Variants in TAMM41 observed in about 807,000 individuals in gnomAD.
The protein encoded by TAMM41 is TAM41 mitochondrial translocator assembly and maintenance homolog.
In TAMM41, 36 loss-of-function variants were observed where a neutral mutation model predicts 44.1. That is an observed-to-expected ratio of 0.82 (90% CI 0.63 to 1.08). The LOEUF (loss-of-function observed/expected upper bound fraction) is 1.08, where lower values mean the gene tolerates loss of function less well. Ranked by LOEUF, TAMM41 falls within the 50% of genes least tolerant of loss-of-function variation. The pLI is 0.00. For synonymous variants in TAMM41, 164 were observed against 153.1 expected (o/e 1.07, Z -0.53); for missense variants, 417 against 404.3 (o/e 1.03, Z -0.27).
chr3:11,821,728 A>C (rs2078529787), intron 4 of TAMM41, among the ~76,000 whole-genome samples: 1 of 152,188 alleles, frequency 6.6e-6, no homozygotes, highest in African/African-American at 2.4e-5. Flanking sequence ...TTACCGGCTA[A>C]CTTTTCTCCC....
the TAMM41 span, among the ~76,000 whole-genome samples, chr3:11,726,222 C>G: frequency 6.6e-6 from 1 of 152,224 alleles, no homozygotes; most frequent in Admixed American, 6.5e-5. Context: ...GTTTTCTTCT[C>G]TTCACTCCGA....
chr3:11,798,708 T>C (rs368823554), intron 7 of TAMM41, among the ~76,000 whole-genome samples: 1 of 152,022 alleles, frequency 6.6e-6, no homozygotes, highest in East Asian at 1.9e-4. Context: ...TGAAACTTAC[T>C]GTGAGGATGA....
chr3:11,741,588 T>C, the TAMM41 span, among the ~76,000 whole-genome samples: 1 of 150,288 alleles, frequency 6.7e-6, no homozygotes, highest in East Asian at 1.9e-4. Flanking sequence ...ACAGTGGCCA[T>C]AACTTTTGCG....
the TAMM41 span, among the ~76,000 whole-genome samples, chr3:11,760,240 G>A: frequency 6.6e-6 from 1 of 152,236 alleles, no homozygotes; most frequent in Admixed American, 6.5e-5. Context: ...TGCTGACATT[G>A]ACCCAGTGGC....
At chr3:11,806,481 GA>G (rs1244482699) in intron 7 of TAMM41, among the ~76,000 whole-genome samples, 1 of 152,118 alleles carries the variant, frequency 6.6e-6, no homozygotes, top group Non-Finnish European at 1.5e-5. Context: ...AGAGTTCCTG[GA>G]AATTATAAAC....
intron 4 of TAMM41, 111 bp downstream of exon 4, chr3:11,829,603 G>C: frequency 6.2e-6 from 8 of 1,285,676 alleles, no homozygotes; most frequent in Non-Finnish European, 7.6e-6. Flanking sequence ...AGAGTGACGT[G>C]ATTTACAACT....
chr3:11,828,760 T>G (rs1351062856), intron 4 of TAMM41, among the ~76,000 whole-genome samples: 1 of 152,140 alleles, frequency 6.6e-6, no homozygotes, highest in Non-Finnish European at 1.5e-5. Flanking sequence ...GGTAGATGAA[T>G]TTTGGGAAGA....
chr3:11,770,893 C>T, the TAMM41 span, among the ~76,000 whole-genome samples: 1 of 152,296 alleles, frequency 6.6e-6, no homozygotes, highest in Admixed American at 6.5e-5. Flanking sequence ...AGGTGTCTCT[C>T]CCCAGAGGGC....
intron 7 of TAMM41, among the ~76,000 whole-genome samples, chr3:11,804,860 TTATTA>T (rs1435193627): frequency 4.7e-5 from 7 of 148,712 alleles, no homozygotes; most frequent in African/African-American, 1.8e-4. Flanking sequence ...AATGTTTTTA[TTATTA>T]TAATTTTTTT....
chr3:11,791,568 A>G (rs1357208275), intron 7 of TAMM41, among the ~76,000 whole-genome samples: 1 of 152,092 alleles, frequency 6.6e-6, no homozygotes, highest in African/African-American at 2.4e-5. Flanking sequence ...GATCTGTGCT[A>G]TGAGTGTAAA....
chr3:11,779,932 C>T, the TAMM41 span, among the ~76,000 whole-genome samples: 1 of 152,132 alleles, frequency 6.6e-6, no homozygotes, highest in Admixed American at 6.6e-5. Context: ...CTTGGCAAGC[C>T]CTTCTCCATA....
chr3:11,757,458 C>T, the TAMM41 span, among the ~76,000 whole-genome samples: 10 of 152,160 alleles, frequency 6.6e-5, no homozygotes, highest in Admixed American at 3.3e-4. Flanking sequence ...CAGAGACTGA[C>T]ATTTGTCACC....
the TAMM41 span, among the ~76,000 whole-genome samples, chr3:11,753,654 G>A: frequency 6.6e-5 from 10 of 152,096 alleles, no homozygotes; most frequent in East Asian, 3.9e-4. Context: ...GGAGAATGGC[G>A]TGGAGACAGG....
At position 11,829,785 on chromosome 3, in the gene TAMM41, G is replaced by C. The variant is rs779337559; in HGVS notation, c.491C>G (p.Ala164Gly). The C allele has an allele frequency of 1.2e-6, 2 of 1,614,168 alleles. No homozygotes were observed. Among genetic ancestry groups the C allele is most frequent in the Non-Finnish European group, 1.7e-6 (2 of 1,179,990 alleles). The stretch of plus-strand genomic sequence containing the variant: ...AAAGCTTTCGGGGAGCATGAGGAAA[G>C]CAGCGGTCACAGCACTCTTCAGATT... ...DRNLKSAVTA[A>G]FLMLPESFSE... The change falls in exon 4 of 8, where the codon GCT becomes GGT. Residue 164 changes from alanine to glycine, a missense_variant. Coordinates refer to ENST00000455809, the MANE Select transcript of TAMM41 (RefSeq NM_001284401.2).
downstream of TAMM41, among the ~76,000 whole-genome samples, chr3:11,789,835 C>T (rs887214987): frequency 6.6e-6 from 1 of 152,238 alleles, no homozygotes; most frequent in African/African-American, 2.4e-5. Context: ...CCAGCCTCAG[C>T]ACGATGCTAA....
At chr3:11,776,718 G>T in the TAMM41 span, among the ~76,000 whole-genome samples, 1 of 151,832 alleles carries the variant, frequency 6.6e-6, no homozygotes, top group Non-Finnish European at 1.5e-5. Context: ...CGTGACTGCA[G>T]AGACAGACCA....
intron 4 of TAMM41, 37 bp downstream of exon 4, chr3:11,829,677 C>G: frequency 6.2e-7 from 1 of 1,609,762 alleles, no homozygotes; most frequent in Non-Finnish European, 8.5e-7. Flanking sequence ...ATATAAATCT[C>G]TCCCTTGTAG....
At position 11,829,795 on chromosome 3, in the gene TAMM41, C is replaced by T. The variant is rs747616790; in HGVS notation, c.481G>A (p.Val161Met). ...GGGAGCATGAGGAAAGCAGCGGTCA[C>T]AGCACTCTTCAGATTTCTATCGAGG... ...SALDRNLKSA[V>M]TAAFLMLPES... Residue 161 changes from valine to methionine, a missense_variant, in exon 4 of 8, where the codon GTG becomes ATG. Coordinates refer to ENST00000455809, the MANE Select transcript of TAMM41 (RefSeq NM_001284401.2). 1.2e-6 allele frequency: 2 copies of T among 1,614,034 alleles called. No individual in the cohort carries two copies. The highest frequency in any genetic ancestry group is 4.5e-5 in the East Asian group (2 of 44,898).
At chr3:11,792,651 A>C (rs986225373) in intron 7 of TAMM41, among the ~76,000 whole-genome samples, 27 of 152,356 alleles carry the variant, frequency 1.8e-4, no homozygotes, top group Admixed American at 1.6e-3. Context: ...CTTAAATTTC[A>C]TGATTTTGGA....
Sources: allele counts gnomAD v4.1 joint callset (sites outside exome capture counted in the v4.1 genomes callset), GRCh38; gene constraint gnomAD v4.1.1; transcripts MANE v1.5; gene names NCBI Gene and HGNC (gene_info 2026-07-23, HGNC 2026-07-21).